The following PCDHGB2 variants were observed in gnomAD, a reference collection of about 807,000 sequenced individuals.
PCDHGB2 encodes protocadherin gamma-B2.
Under a neutral mutation model 59.3 loss-of-function variants are expected in PCDHGB2, and 55 were observed. That is an observed-to-expected ratio of 0.93 (90% CI 0.75 to 1.16). The LOEUF is 1.16. Among genes scored for constraint, PCDHGB2 ranks in the 50% most tolerant of loss-of-function variants. The pLI is 0.00. For missense variants in PCDHGB2, 1,228 were observed against 1,198.5 expected, an observed-to-expected ratio of 1.02 and a Z score of -0.36; for synonymous variants, 516 against 512.0, an observed-to-expected ratio of 1.01 and a Z score of -0.11.
chr5:141,500,574 G>A (rs2099801457), intron 2 of PCDHGB2, among the ~76,000 whole-genome samples: 1 of 152,164 alleles, frequency 6.6e-6, no homozygotes, highest in African/African-American at 2.4e-5. Context: ...ACACTTTCAT[G>A]TGACACTTTA....
chr5:141,468,809 T>A (rs1473677700), intron 1 of PCDHGB2, among the ~76,000 whole-genome samples: 1 of 151,850 alleles, frequency 6.6e-6, no homozygotes, highest in Admixed American at 6.6e-5. Flanking sequence ...GAACTTGCAG[T>A]GAGCCAAGAT....
At chr5:141,364,659 T>G in intron 1 of PCDHGB2, 1 of 1,614,020 alleles carries the variant, frequency 6.2e-7, no homozygotes, top group Non-Finnish European at 8.5e-7. Flanking sequence ...AACATCTTGG[T>G]TGAGAACAAA....
At chr5:141,384,391 G>C (rs759810331) in intron 1 of PCDHGB2, 24 of 1,613,920 alleles carry the variant, frequency 1.5e-5, no homozygotes, top group Non-Finnish European at 2.0e-5. Flanking sequence ...CACCATCCAG[G>C]GGGCTCCAGT....
intron 1 of PCDHGB2, among the ~76,000 whole-genome samples, chr5:141,471,107 G>T (rs1023848236): frequency 1.3e-5 from 2 of 148,554 alleles, no homozygotes; most frequent in East Asian, 2.0e-4. Context: ...AGAGTGCAGT[G>T]GTGCGATCTT....
rs150878327 is a variant in PCDHGB2 at position 141,438,347 on chromosome 5, C to A, written c.2422-56460C>A. On this transcript the variant is annotated intron_variant, in intron 1 of 3. Coordinates refer to ENST00000522605, the MANE Select transcript of PCDHGB2 (RefSeq NM_018923.3). ...CTTATACATGTCATATAAGGATCTACTCTGTGTATTGTCATTGAGGGCAGA... is the reference window on the plus strand; with the variant it reads ...CTTATACATGTCATATAAGGATCTAATCTGTGTATTGTCATTGAGGGCAGA... Among the ~76,000 whole-genome samples the A allele has an allele frequency of 3.9e-3, 588 of 151,848 alleles. 6 individuals are homozygous for A. Among genetic ancestry groups the A allele is most frequent in the Admixed American group, 0.011 (169 of 15,256 alleles).
chr5:141,393,735 G>T, intron 1 of PCDHGB2: 1 of 1,613,858 alleles, frequency 6.2e-7, no homozygotes, highest in Non-Finnish European at 8.5e-7. Context: ...AAAAAGTCTA[G>T]ATTATGAAGA....
At chr5:141,365,053 G>C (rs1588608159) in intron 1 of PCDHGB2, 10 of 1,613,802 alleles carry the variant, frequency 6.2e-6, no homozygotes, top group Non-Finnish European at 8.5e-6. Context: ...ATGCGCCCCT[G>C]TTCACCCCAT....
intron 1 of PCDHGB2, chr5:141,364,749 T>G: frequency 6.2e-7 from 1 of 1,613,916 alleles, no homozygotes; most frequent in Non-Finnish European, 8.5e-7. Flanking sequence ...GAGTTAAAAG[T>G]AAAAGTTAAT....
chr5:141,450,842 T>TTTTA (rs1387012749), intron 1 of PCDHGB2, among the ~76,000 whole-genome samples: 1 of 148,196 alleles, frequency 6.7e-6, no homozygotes, highest in African/African-American at 2.5e-5. Context: ...TTTTTTTTTT[T>TTTTA]GAGATGGGGT....
rs996556361 is a variant in PCDHGB2, at chr5:141,511,290, A to G, written c.*117A>G. 1.3e-6 allele frequency: 2 copies of G among 1,516,984 alleles called. No homozygotes were observed. The highest frequency in any genetic ancestry group is 1.8e-6 in the Non-Finnish European group (2 of 1,129,124). The allele number at this position is 1,516,984 out of a possible 1,614,324, so 94.0% of individuals were successfully genotyped here. ...AACCCCCAGAATACTGGTAGGGGCC[A>G]AGGCCATGCTCCCCTTGGGAAACAG... is the stretch of plus-strand genomic sequence containing the variant. On this transcript the variant is annotated 3_prime_UTR_variant, in exon 4 of 4. Coordinates refer to ENST00000522605, the MANE Select transcript of PCDHGB2 (RefSeq NM_018923.3).
rs779292483 is a variant in PCDHGB2 at position 141,491,102 on chromosome 5, T to C, written c.2422-3705T>C. The C allele has an allele frequency of 6.2e-7, 1 of 1,614,152 alleles. No individual in the cohort carries two copies. Among genetic ancestry groups the C allele is most frequent in the Non-Finnish European group, 8.5e-7 (1 of 1,180,006 alleles). ...TCCACAGCCCCAGGACTGTTCCTCG[T>C]GTCTACACACACTGGTGAGGTGCGC... On this transcript the variant is annotated intron_variant, in intron 1 of 3. Transcript: ENST00000522605. This position sits in a 1 kb window ranked among gnomAD's most constrained non-coding sequence, Gnocchi z 6.9.
intron 1 of PCDHGB2, among the ~76,000 whole-genome samples, chr5:141,460,221 C>T (rs931609262): frequency 3.4e-4 from 51 of 151,918 alleles, no homozygotes; most frequent in African/African-American, 1.2e-3. Flanking sequence ...TTAGTTGTGT[C>T]TTTTGAAGAG....
intron 1 of PCDHGB2, among the ~76,000 whole-genome samples, chr5:141,470,014 A>G (rs1394478856): frequency 6.6e-6 from 1 of 152,200 alleles, no homozygotes; most frequent in Non-Finnish European, 1.5e-5. Flanking sequence ...CTGTAATCCC[A>G]GCTACTCGGG....
At chr5:141,406,072 CT>C (rs530474569) in intron 1 of PCDHGB2, among the ~76,000 whole-genome samples, 16,756 of 141,280 alleles carry the variant, frequency 0.12, 1,110 homozygotes, top group African/African-American at 0.2. Flanking sequence ...ATTCTTACTC[CT>C]TTTTTTTTTT....
chr5:141,368,767 T>G (rs1195016367), intron 1 of PCDHGB2, among the ~76,000 whole-genome samples: 1 of 152,172 alleles, frequency 6.6e-6, no homozygotes, highest in East Asian at 1.9e-4. Context: ...ATCTTTAGTT[T>G]TATATGTGTT....
intron 1 of PCDHGB2, chr5:141,422,726 T>C: frequency 5.6e-6 from 9 of 1,605,994 alleles, no homozygotes; most frequent in African/African-American, 4.0e-5. Flanking sequence ...GTCCAGGGGG[T>C]GCCTCTGTCC....
intron 1 of PCDHGB2, chr5:141,383,561 C>A: frequency 5.0e-6 from 8 of 1,613,196 alleles, no homozygotes; most frequent in Non-Finnish European, 6.8e-6. Context: ...GGCGACCCGC[C>A]CCGATCCAGC....
rs766428179 is a variant in PCDHGB2, at chr5:141,395,052, C to T, written c.2421+32496C>T. 25 of 1,614,148 alleles carry T rather than the reference C, an allele frequency of 1.5e-5. No homozygotes were observed. In the African/African-American group the frequency reaches 3.2e-4, roughly 21 times the overall value. On this transcript the variant is annotated intron_variant, in intron 1 of 3. Coordinates refer to ENST00000522605, the MANE Select transcript of PCDHGB2 (RefSeq NM_018923.3). Reference sequence around the variant, plus strand: ...ACATTTTGTGGGTGTTGAGGAGGTACAGGCTTTCCTGCAGACCTATTCCCA... The same window carrying T: ...ACATTTTGTGGGTGTTGAGGAGGTATAGGCTTTCCTGCAGACCTATTCCCA...
Position 141,491,608 on chromosome 5 carries a change from C to T in PCDHGB2, c.2422-3199C>T. On this transcript the variant is annotated intron_variant, in intron 1 of 3. Transcript: ENST00000522605. This position sits in a 1 kb window ranked among gnomAD's most constrained non-coding sequence, Gnocchi z 6.9. Reference sequence around the variant, plus strand: ...CTCGGACGGCAGTGACTTCACTTTTCTAAGACCCCTCAGCGTTCAGCAGCC... The same window carrying T: ...CTCGGACGGCAGTGACTTCACTTTTTTAAGACCCCTCAGCGTTCAGCAGCC... 6.2e-7 allele frequency: 1 copy of T among 1,613,942 alleles called. No individual in the cohort carries two copies. The highest frequency in any genetic ancestry group is 1.1e-5 in the South Asian group (1 of 91,086).
Sources: allele counts gnomAD v4.1 joint callset (sites outside exome capture counted in the v4.1 genomes callset), GRCh38; gene constraint gnomAD v4.1.1; non-coding constraint Gnocchi (gnomAD v3.1); transcripts MANE v1.5; gene names NCBI Gene and HGNC (gene_info 2026-07-23, HGNC 2026-07-21).